TRIM32: variants seen among roughly 807,000 people sequenced by gnomAD.
TRIM32 encodes the protein tripartite motif containing 32, also known as E3 ubiquitin-protein ligase TRIM32.
A neutral mutation model predicts 36.0 loss-of-function variants in TRIM32; 19 were observed. The ratio of observed to expected loss-of-function variants is 0.53; its 90% CI spans 0.37 to 0.77. The LOEUF (loss-of-function observed/expected upper bound fraction) is 0.77. Among genes scored for constraint, TRIM32 ranks in the 30% least tolerant of loss-of-function variants. The pLI, the probability that TRIM32 is intolerant of heterozygous loss-of-function variation, is 0.00. For missense variants in TRIM32, 747 were observed against 845.2 expected, an observed-to-expected ratio of 0.88 and a Z score of 1.44; for synonymous variants, 309 against 318.5, an observed-to-expected ratio of 0.97 and a Z score of 0.32.
Position 116,700,550 on chromosome 9 carries a change from C to CTGTG in TRIM32, c.*848_*851dup. The CTGTG allele has an allele frequency of 6.0e-6, 1 of 167,096 alleles. No individual in the cohort carries two copies. Among genetic ancestry groups the CTGTG allele is most frequent in the East Asian group, 1.9e-4 (1 of 5,204 alleles). The allele number at this position is 167,096 out of a possible 1,614,324, so 10.4% of individuals were successfully genotyped here. A position where few individuals can be genotyped will look rare whatever the true frequency, so the allele number is the denominator to read the frequency against. On this transcript the variant is annotated 3_prime_UTR_variant, in exon 2 of 2. Transcript: ENST00000450136. ...TTTCATACTACCTCTCTCTTCTGGC[C>CTGTG]TGTGTCTAAGGAATTGTACAACATA...
At position 116,692,059 on chromosome 9, in the gene TRIM32, C is replaced by T. The variant is rs926853773; in HGVS notation, c.-82+4678C>T. Among the ~76,000 whole-genome samples, 14 of 152,318 alleles carry T rather than the reference C, an allele frequency of 9.2e-5. No homozygotes were observed. The East Asian group carries it at 1.2e-3, about 13-fold the overall frequency. On this transcript the variant is annotated intron_variant, in intron 1 of 1. Coordinates refer to ENST00000450136, the MANE Select transcript of TRIM32 (RefSeq NM_012210.4). ...CACCAGTACCGTTCACAGGGCCAGA[C>T]ACATAGTAGGTGCTTAGTAAAGATT...
chr9:116,694,414 A>ATTTAGAAT (rs1860728275), intron 1 of TRIM32, among the ~76,000 whole-genome samples: 1 of 148,318 alleles, frequency 6.7e-6, no homozygotes, highest in Non-Finnish European at 1.5e-5. Context: ...GTAGCTATTG[A>ATTTAGAAT]TTTAGAATTG....
intron 1 of TRIM32, 84 bp from the exon 2 acceptor site, chr9:116,697,578 T>C: frequency 1.2e-6 from 1 of 856,244 alleles, no homozygotes; most frequent in Non-Finnish European, 1.8e-6. Flanking sequence ...GAATGACTGG[T>C]CATAGCTATT....
In TRIM32 at chr9:116,699,043, T is replaced by G; in HGVS notation, c.1301T>G (p.Val434Gly). 6.2e-7 allele frequency: 1 copy of G among 1,614,188 alleles called. No homozygotes were observed. Among genetic ancestry groups the G allele is most frequent in the South Asian group, 1.1e-5 (1 of 91,088 alleles). Residue 434 changes from valine (V) to glycine (G), a missense_variant, in exon 2 of 2, where the codon GTG becomes GGG. Transcript: ENST00000450136. The surrounding 1 kb of genome is among the most constrained non-coding windows in gnomAD (Gnocchi z 4.2). ...ADLPNLTPLS[V>G]AMNCQGLIGV... ...CTACCCAACCTCACTCCTCTCTCAG[T>G]GGCAATGAACTGCCAGGGGCTGATT...
At position 116,698,025 on chromosome 9, in the gene TRIM32, G is replaced by A; in HGVS notation, c.283G>A (p.Val95Met). Residue 95 changes from valine (V) to methionine (M), a missense_variant, in exon 2 of 2, where the codon GTG becomes ATG. By Grantham distance (21) the Val-to-Met change is conservative. Coordinates refer to ENST00000450136, the MANE Select transcript of TRIM32 (RefSeq NM_012210.4). This position sits in a 1 kb window ranked among gnomAD's most constrained non-coding sequence, Gnocchi z 4.4. The part of the protein sequence containing the change: ...IIDTAGLSEA[V>M]GLLMCRSCGR... ...TGATACAGCTGGGCTCAGCGAGGCT[G>A]TGGGGCTGCTCATGTGTCGGTCCTG... 6.2e-7 allele frequency: 1 copy of A among 1,614,094 alleles called. No homozygotes were observed.
chr9:116,699,814 C>G lies in TRIM32; in HGVS notation c.*110C>G. ...GACTCAGCCTATGTCCTGATTCCAG[C>G]TGGGTAGTTCTAGAACTTCAGAAGC... On this transcript the variant is annotated 3_prime_UTR_variant, in exon 2 of 2. Transcript: ENST00000450136. This position sits in a 1 kb window ranked among gnomAD's most constrained non-coding sequence, Gnocchi z 4.2. The G allele has an allele frequency of 1.4e-6, 2 of 1,471,534 alleles. No individual in the cohort carries two copies. Among genetic ancestry groups the G allele is most frequent in the Non-Finnish European group, 1.9e-6 (2 of 1,063,622 alleles). 91.2% of individuals were successfully genotyped at this position (1,471,534 alleles called of 1,614,324 possible).
Position 116,698,511 on chromosome 9 carries a change from A to C in TRIM32, c.769A>C (p.Thr257Pro), listed in dbSNP as rs2132072833. 6.2e-7 allele frequency: 1 copy of C among 1,613,666 alleles called. No individual in the cohort carries two copies. The highest frequency in any genetic ancestry group is 8.5e-7 in the Non-Finnish European group (1 of 1,179,980). The part of the protein sequence containing the change: ...KQADVALLEE[T>P]ADEEEPELTA... Reference sequence around the variant, plus strand: ...GGCAGATGTAGCACTACTGGAGGAGACAGCTGATGAGGAGGAGCCAGAGCT... The same window carrying C: ...GGCAGATGTAGCACTACTGGAGGAGCCAGCTGATGAGGAGGAGCCAGAGCT... The change falls in exon 2 of 2, where the codon ACA becomes CCA. Residue 257 changes from threonine to proline, a missense_variant. Coordinates refer to ENST00000450136, the MANE Select transcript of TRIM32 (RefSeq NM_012210.4). The surrounding 1 kb of genome is among the most constrained non-coding windows in gnomAD (Gnocchi z 4.4).
rs572618351 is a variant in TRIM32 at position 116,690,224 on chromosome 9, A to G, written c.-82+2843A>G. 3.5e-4 allele frequency among the ~76,000 whole-genome samples: 53 copies of G among 152,336 alleles called. 1 individual carries two copies. The highest frequency in any genetic ancestry group is 7.2e-4 in the Non-Finnish European group (49 of 68,036). On this transcript the variant is annotated intron_variant, in intron 1 of 1. Transcript: ENST00000450136. ...CAATCTATTAAAAATGCAAATGATT[A>G]TAATTTGTTGAGTGCTTATTATGTG... is the stretch of plus-strand genomic sequence containing the variant.
chr9:116,688,794 G>C (rs1267874334), intron 1 of TRIM32, among the ~76,000 whole-genome samples: 4 of 152,056 alleles, frequency 2.6e-5, no homozygotes, highest in Non-Finnish European at 4.4e-5. Context: ...TCCTATATAA[G>C]ATCCATTACA....
Position 116,699,673 on chromosome 9 carries a change from G to A in TRIM32, c.1931G>A (p.Ser644Asn). 6.2e-7 allele frequency: 1 copy of A among 1,614,162 alleles called. No homozygotes were observed. Among genetic ancestry groups the A allele is most frequent in the Non-Finnish European group, 8.5e-7 (1 of 1,180,034 alleles). ...DCWDHCIKIY[S>N]YHLRRYSTP ...TGGGATCATTGCATCAAGATCTACA[G>A]CTACCATCTGAGAAGATATTCCACC... The change falls in exon 2 of 2, where the codon AGC becomes AAC. Residue 644 changes from serine to asparagine, a missense_variant. Physicochemically the swap from Ser to Asn is conservative, Grantham distance 46 (BLOSUM62 1). Coordinates refer to ENST00000450136, the MANE Select transcript of TRIM32 (RefSeq NM_012210.4). The surrounding 1 kb of genome is among the most constrained non-coding windows in gnomAD (Gnocchi z 4.2).
rs753819969 is a variant in TRIM32, at chr9:116,698,293, T to C, written c.551T>C (p.Val184Ala). 2.5e-6 allele frequency: 4 copies of C among 1,614,046 alleles called. No individual in the cohort carries two copies. The highest frequency in any genetic ancestry group is 3.4e-6 in the Non-Finnish European group (4 of 1,180,040). Residue 184 changes from valine to alanine, a missense_variant, in exon 2 of 2, where the codon GTT (valine) becomes GCT (alanine). Transcript: ENST00000450136. This position sits in a 1 kb window ranked among gnomAD's most constrained non-coding sequence, Gnocchi z 4.4. ...SKDLQARYKAVLQEYGHEERR... is the reference protein window; with the variant it reads ...SKDLQARYKAALQEYGHEERR... ...GACCTTCAGGCAAGGTATAAAGCAGTTCTCCAGGAGTATGGGCATGAGGAG... is the reference window on the plus strand; with the variant it reads ...GACCTTCAGGCAAGGTATAAAGCAGCTCTCCAGGAGTATGGGCATGAGGAG...
chr9:116,700,631 A>G lies in TRIM32; in HGVS notation c.*927A>G, dbSNP rs1861123171. On this transcript the variant is annotated 3_prime_UTR_variant, in exon 2 of 2. Transcript: ENST00000450136. ...ACATTTTCATGTTCATTACTAAAAC[A>G]AACAGCAAAACTATTGGTTTGTTAT... 1 of 167,048 alleles carries G rather than the reference A, an allele frequency of 6.0e-6. No homozygotes were observed. Among genetic ancestry groups the G allele is most frequent in the Non-Finnish European group, 1.5e-5 (1 of 68,128 alleles). 10.3% of individuals were successfully genotyped at this position (167,048 alleles called of 1,614,324 possible). A position where few individuals can be genotyped will look rare whatever the true frequency, so the allele number is the denominator to read the frequency against.
chr9:116,700,516 C>G lies in TRIM32; in HGVS notation c.*812C>G, dbSNP rs912323041. ...CAGCAAATTTGGATAGTCTCTAGGG[C>G]TCATCATTTTTCATACTACCTCTCT... On this transcript the variant is annotated 3_prime_UTR_variant, in exon 2 of 2. Coordinates refer to ENST00000450136, the MANE Select transcript of TRIM32 (RefSeq NM_012210.4). 1.2e-5 allele frequency: 2 copies of G among 167,092 alleles called. No homozygotes were observed. Among genetic ancestry groups the G allele is most frequent in the African/African-American group, 2.4e-5 (1 of 41,450 alleles). 10.4% of individuals were successfully genotyped at this position (167,092 alleles called of 1,614,324 possible).
chr9:116,690,450 T>C (rs1267530708), intron 1 of TRIM32, among the ~76,000 whole-genome samples: 1 of 152,194 alleles, frequency 6.6e-6, no homozygotes, highest in Non-Finnish European at 1.5e-5. Flanking sequence ...AGAGCCCCTA[T>C]GTTTATGTCT....
At chr9:116,695,560 G>A (rs1220557929) in intron 1 of TRIM32, among the ~76,000 whole-genome samples, 6 of 152,194 alleles carry the variant, frequency 3.9e-5, no homozygotes, top group Admixed American at 2.6e-4. Context: ...GTGTTCTTGA[G>A]CTAAATGCAT....
intron 1 of TRIM32, among the ~76,000 whole-genome samples, chr9:116,694,257 T>C (rs1219007829): frequency 6.6e-6 from 1 of 152,164 alleles, no homozygotes; most frequent in Non-Finnish European, 1.5e-5. Flanking sequence ...CTGCTATTTT[T>C]ACAAGTTGGC....
intron 1 of TRIM32, among the ~76,000 whole-genome samples, chr9:116,692,592 G>A (rs2132055138): frequency 6.6e-6 from 1 of 152,228 alleles, no homozygotes; most frequent in East Asian, 1.9e-4. Context: ...TCCACAATAA[G>A]TAGTAGAGCT....
chr9:116,693,075 CA>C (rs1382738534), intron 1 of TRIM32, among the ~76,000 whole-genome samples: 1 of 152,110 alleles, frequency 6.6e-6, no homozygotes, highest in Non-Finnish European at 1.5e-5. Flanking sequence ...TTCATGCTTT[CA>C]AAATGTAGTT....
Position 116,697,665 on chromosome 9 carries a change from G to A in TRIM32, c.-78G>A. The A allele has an allele frequency of 6.3e-7, 1 of 1,575,794 alleles. No individual in the cohort carries two copies. Among genetic ancestry groups the A allele is most frequent in the Non-Finnish European group, 8.7e-7 (1 of 1,154,774 alleles). ...AATGGTTTCTTTTTCTCTTTAGCAG[G>A]AATTTGACCCTCTAGGGCATGAATA... On this transcript the variant is annotated 5_prime_UTR_variant, in exon 2 of 2. Transcript: ENST00000450136.
Sources: gnomAD v4.1 joint callset for allele counts (sites outside exome capture counted in the v4.1 genomes callset) on GRCh38, gnomAD v4.1.1 for gene constraint, Gnocchi (gnomAD v3.1) non-coding constraint, MANE v1.5 for transcripts, NCBI Gene and HGNC (gene_info 2026-07-23, HGNC 2026-07-21) for gene names.